BMPER: variants seen among roughly 807,000 people sequenced by gnomAD.
The protein encoded by BMPER is BMP binding endothelial regulator, also known as BMP-binding endothelial regulator protein.
BMPER carries 45 observed loss-of-function variants against 87.3 expected under a neutral mutation model. The observed-to-expected ratio is 0.52, with a 90% confidence interval of 0.41 to 0.66. BMPER has a LOEUF of 0.66. BMPER is among the 30% of genes least tolerant of loss of function. BMPER has a pLI of 0.00. For synonymous variants in BMPER, 326 were observed against 316.2 expected (o/e 1.03, Z -0.33); for missense variants, 784 against 867.5 (o/e 0.90, Z 1.21).
intron 2 of BMPER, among the ~76,000 whole-genome samples, chr7:33,930,790 A>C (rs1784462620): frequency 6.6e-6 from 1 of 152,168 alleles, no homozygotes; most frequent in African/African-American, 2.4e-5. Context: ...AAAAATAAAA[A>C]TAAAAATAAA....
At position 34,154,281 on chromosome 7, in the gene BMPER, A is replaced by G. The variant is rs1257211642; in HGVS notation, c.*1008A>G. ...ATATGTTATAATTATTAGACAGTGG[A>G]AAAGCCTTTATTGACTAATTGATTT... On this transcript the variant is annotated 3_prime_UTR_variant, in exon 15 of 15. Coordinates refer to ENST00000649409, the MANE Select transcript of BMPER (RefSeq NM_001365308.1). 1 of 152,288 alleles carries G rather than the reference A, an allele frequency of 6.6e-6. No homozygotes were observed. The highest frequency in any genetic ancestry group is 1.5e-5 in the Non-Finnish European group (1 of 68,038). The allele number at this position is 152,288 out of a possible 1,614,324, so 9.4% of individuals were successfully genotyped here.
chr7:33,905,621 G>C lies in BMPER; in HGVS notation c.8G>C (p.Trp3Ser), dbSNP rs746698074. ML[W>S]FSGVGALAER... ...GATTCCCTCCAGGTGACGATGCTCT[G>C]GTTCTCCGGCGTCGGGGCTCTGGCT... Residue 3 changes from tryptophan (W) to serine (S), a missense_variant, in exon 1 of 15, where the codon TGG becomes TCG. Coordinates refer to ENST00000649409, the MANE Select transcript of BMPER (RefSeq NM_001365308.1). The C allele has an allele frequency of 6.2e-7, 1 of 1,612,642 alleles. No individual in the cohort carries two copies. Among genetic ancestry groups the C allele is most frequent in the South Asian group, 1.1e-5 (1 of 91,030 alleles).
At chr7:34,057,774 A>T (rs550985464) in intron 9 of BMPER, among the ~76,000 whole-genome samples, 1 of 152,280 alleles carries the variant, frequency 6.6e-6, no homozygotes, top group East Asian at 1.9e-4. Flanking sequence ...CATGACAACA[A>T]GACATAAATA....
chr7:34,005,852 T>G (rs1014687396), intron 6 of BMPER, among the ~76,000 whole-genome samples: 13 of 152,120 alleles, frequency 8.5e-5, no homozygotes, highest in African/African-American at 3.1e-4. Context: ...TATCAATTAT[T>G]TAAGTGCTAG....
intron 9 of BMPER, among the ~76,000 whole-genome samples, chr7:34,056,025 G>C (rs1310299968): frequency 3.9e-5 from 6 of 152,210 alleles, no homozygotes; most frequent in Admixed American, 3.9e-4. Context: ...TGAGAATCAA[G>C]ACCCACATAA....
chr7:34,048,776 A>G (rs573509710), intron 7 of BMPER, among the ~76,000 whole-genome samples: 1 of 152,254 alleles, frequency 6.6e-6, no homozygotes, highest in African/African-American at 2.4e-5. Context: ...AAACTTGAAA[A>G]TCTCTTTTTT....
chr7:33,926,302 A>G (rs1247493385), intron 2 of BMPER, among the ~76,000 whole-genome samples: 3 of 152,172 alleles, frequency 2.0e-5, no homozygotes, highest in African/African-American at 7.2e-5. Flanking sequence ...TCTAATAGCC[A>G]TTTGTTTTTC....
At chr7:33,979,107 G>T (rs1402153233) in intron 6 of BMPER, among the ~76,000 whole-genome samples, 1 of 152,056 alleles carries the variant, frequency 6.6e-6, no homozygotes, top group Non-Finnish European at 1.5e-5. Context: ...CCATATATAT[G>T]CACGTAAACA....
intron 6 of BMPER, among the ~76,000 whole-genome samples, chr7:34,034,939 C>G (rs1385881610): frequency 6.6e-6 from 1 of 152,130 alleles, no homozygotes; most frequent in Non-Finnish European, 1.5e-5. Flanking sequence ...TGGACCTGCC[C>G]AGACATGTCA....
At chr7:34,079,638 A>C (rs574071938) in intron 12 of BMPER, among the ~76,000 whole-genome samples, 1 of 152,288 alleles carries the variant, frequency 6.6e-6, no homozygotes, top group Non-Finnish European at 1.5e-5. Context: ...CATCTGTCCA[A>C]GTCTTTGCAG....
chr7:34,128,520 T>C (rs1408506437), intron 13 of BMPER, among the ~76,000 whole-genome samples: 1 of 152,154 alleles, frequency 6.6e-6, no homozygotes, highest in Non-Finnish European at 1.5e-5. Context: ...TGCGCTTAGG[T>C]GGAACACCCT....
intron 6 of BMPER, among the ~76,000 whole-genome samples, chr7:34,044,509 G>C (rs999467292): frequency 2.6e-5 from 4 of 152,100 alleles, no homozygotes; most frequent in Non-Finnish European, 4.4e-5. Flanking sequence ...AGCATCTTGG[G>C]TCCTCCCTCT....
At position 34,085,753 on chromosome 7, in the gene BMPER, T is replaced by C; in HGVS notation, c.1409-3T>C. ...ATTTCCTTTTCCTCTCCTCCTCCTC[T>C]AGGTTTGGAAATATCTTGGGATGGA... On this transcript the variant is annotated splice_region_variant and splice_polypyrimidine_tract_variant and intron_variant, in intron 12 of 14. Transcript: ENST00000649409. 6.2e-7 allele frequency: 1 copy of C among 1,612,350 alleles called. No homozygotes were observed. Among genetic ancestry groups the C allele is most frequent in the Non-Finnish European group, 8.5e-7 (1 of 1,178,484 alleles).
chr7:33,953,729 A>G (rs1377462077), intron 3 of BMPER, among the ~76,000 whole-genome samples: 1 of 152,208 alleles, frequency 6.6e-6, no homozygotes, highest in African/African-American at 2.4e-5. Flanking sequence ...AGCAACCATT[A>G]CCACTATCTA....
chr7:33,977,800 A>G (rs1409279849), intron 6 of BMPER, among the ~76,000 whole-genome samples: 1 of 152,238 alleles, frequency 6.6e-6, no homozygotes, highest in Non-Finnish European at 1.5e-5. Flanking sequence ...CATGCTTATA[A>G]ATACAAATGC....
intron 11 of BMPER, among the ~76,000 whole-genome samples, chr7:34,066,332 A>G (rs757945618): frequency 1.2e-4 from 18 of 152,250 alleles, no homozygotes; most frequent in Non-Finnish European, 1.9e-4. Flanking sequence ...AGGAGAACAA[A>G]AGTCCTCTTA....
At chr7:34,049,885 T>C (rs867276876) in intron 7 of BMPER, among the ~76,000 whole-genome samples, 6 of 152,290 alleles carry the variant, frequency 3.9e-5, no homozygotes, top group South Asian at 4.1e-4. Context: ...CCATCATTTT[T>C]ATAGTAAATA....
In BMPER at chr7:34,153,349, G is replaced by A. The variant is rs538686566; in HGVS notation, c.*76G>A. On this transcript the variant is annotated 3_prime_UTR_variant, in exon 15 of 15. Coordinates refer to ENST00000649409, the MANE Select transcript of BMPER (RefSeq NM_001365308.1). ...GCGGAAGAGCCAATGAAGGACTGCA[G>A]TATTTGTGTGCCCGATTCTGTAAAC... 142 of 1,486,272 alleles carry A rather than the reference G, an allele frequency of 9.6e-5. No individual in the cohort carries two copies. The African/African-American group carries it at 9.7e-4, about 10-fold the overall frequency. 92.1% of individuals were successfully genotyped at this position (1,486,272 alleles called of 1,614,324 possible).
chr7:34,039,469 G>A (rs1446760042), intron 6 of BMPER, among the ~76,000 whole-genome samples: 1 of 152,090 alleles, frequency 6.6e-6, no homozygotes, highest in African/African-American at 2.4e-5. Flanking sequence ...CTGCCATCTA[G>A]CAGGTAGAGG....
Sources: allele counts gnomAD v4.1 joint callset (sites outside exome capture counted in the v4.1 genomes callset), GRCh38; gene constraint gnomAD v4.1.1; transcripts MANE v1.5; gene names NCBI Gene and HGNC (gene_info 2026-07-23, HGNC 2026-07-21).